The following KIF5C variants were observed in gnomAD, a reference collection of about 807,000 sequenced individuals.
KIF5C encodes the protein kinesin heavy chain isoform 5C.
Under a neutral mutation model 125.2 loss-of-function variants are expected in KIF5C, and 18 were observed. That is an observed-to-expected ratio of 0.14 (90% confidence interval 0.10 to 0.21). The LOEUF (loss-of-function observed/expected upper bound fraction) is 0.21, where lower values mean the gene tolerates loss of function less well. Among genes scored for constraint, KIF5C ranks in the 10% least tolerant of loss-of-function variants. The pLI, the probability that KIF5C is intolerant of heterozygous loss-of-function variation, is 1.00. For synonymous variants in KIF5C, 405 were observed against 434.0 expected, an observed-to-expected ratio of 0.93 and a Z score of 0.83; for missense variants, 780 against 1,183.8, an observed-to-expected ratio of 0.66 and a Z score of 5.01.
intron 8 of KIF5C, 25 bp from the exon 9 acceptor site, chr2:148,949,814 C>G: frequency 6.2e-7 from 1 of 1,611,886 alleles, no homozygotes; most frequent in Non-Finnish European, 8.5e-7. Flanking sequence ...CTGTGCTGCT[C>G]ACTGCTTTCT....
chr2:148,901,271 G>GTA (rs1384683645), intron 1 of KIF5C, among the ~76,000 whole-genome samples: 1 of 152,194 alleles, frequency 6.6e-6, no homozygotes, highest in Non-Finnish European at 1.5e-5. Context: ...GTGGAGGCAG[G>GTA]TATATATAAC....
intron 1 of KIF5C, among the ~76,000 whole-genome samples, chr2:148,918,185 T>G (rs1362132392): frequency 6.6e-6 from 1 of 152,204 alleles, no homozygotes. Flanking sequence ...CCTGGTAAAT[T>G]ATTAATTTTA....
chr2:148,875,413 GA>G lies in KIF5C; in HGVS notation c.-204del. ...GGCCGGTCTGCAGCCGGAGGGGCCG[GA>G]GCGGAGAAGCTGCCCACCTTCCCGG... is the stretch of plus-strand genomic sequence containing the variant. On this transcript the variant is annotated 5_prime_UTR_variant, in exon 1 of 26. Transcript: ENST00000435030. The G allele has an allele frequency of 1.9e-6, 1 of 538,884 alleles. No individual in the cohort carries two copies. Among genetic ancestry groups the G allele is most frequent in the Non-Finnish European group, 3.3e-6 (1 of 307,164 alleles). 33.4% of individuals were successfully genotyped at this position (538,884 alleles called of 1,614,324 possible). A position where few individuals can be genotyped will look rare whatever the true frequency, so the allele number is the denominator to read the frequency against.
chr2:148,940,841 A>G (rs1403875627), intron 4 of KIF5C, among the ~76,000 whole-genome samples: 1 of 152,130 alleles, frequency 6.6e-6, no homozygotes. Flanking sequence ...AGTCCCTAAG[A>G]CCACATATTT....
chr2:148,983,464 A>C (rs1681289927), intron 14 of KIF5C, among the ~76,000 whole-genome samples, 156 bp from the exon 15 acceptor site: 1 of 152,234 alleles, frequency 6.6e-6, no homozygotes, highest in African/African-American at 2.4e-5. Context: ...CTTATCCAAG[A>C]ATGCAGTGCT....
At chr2:149,019,095 T>G (rs1682454861) in intron 25 of KIF5C, among the ~76,000 whole-genome samples, 1 of 152,216 alleles carries the variant, frequency 6.6e-6, no homozygotes, top group African/African-American at 2.4e-5. Context: ...AGATGGCAGC[T>G]GGATTCCCCC....
intron 15 of KIF5C, among the ~76,000 whole-genome samples, chr2:148,987,588 G>A (rs1391798590): frequency 2.0e-5 from 3 of 152,130 alleles, no homozygotes; most frequent in African/African-American, 4.8e-5. Context: ...ATGACCAGGC[G>A]TTTCCAACTT....
rs190664008 is a variant in KIF5C, at chr2:148,889,088, C to G, written c.126+13345C>G. On this transcript the variant is annotated intron_variant, in intron 1 of 25. Transcript: ENST00000435030. The stretch of plus-strand genomic sequence containing the variant: ...GTATAAATTCTCCAGAAGCCAATTT[C>G]CTGGAACCAATGCTGTGAACATTTT... Among the ~76,000 whole-genome samples, 7 of 152,266 alleles carry G rather than the reference C, an allele frequency of 4.6e-5. 1 individual carries two copies. The East Asian group carries it at 1.4e-3, about 29-fold the overall frequency.
At chr2:149,015,316 A>G (rs1312002349) in intron 25 of KIF5C, among the ~76,000 whole-genome samples, 3 of 151,952 alleles carry the variant, frequency 2.0e-5, no homozygotes, top group Non-Finnish European at 4.4e-5. Context: ...TGAAAAGTAA[A>G]GAAATGCTAA....
At chr2:148,919,136 A>G (rs368230575) in intron 1 of KIF5C, among the ~76,000 whole-genome samples, 10 of 152,336 alleles carry the variant, frequency 6.6e-5, no homozygotes, top group African/African-American at 2.4e-4. Flanking sequence ...TGTCTAGAGG[A>G]CATGTGAATC....
chr2:149,007,936 C>T (rs1682060834), intron 22 of KIF5C, 27 bp from the exon 23 acceptor site: 2 of 1,550,920 alleles, frequency 1.3e-6, no homozygotes, highest in African/African-American at 1.3e-5. Flanking sequence ...GACAGCCTGT[C>T]CTGCTGACCC....
intron 25 of KIF5C, among the ~76,000 whole-genome samples, 173 bp downstream of exon 25, chr2:149,011,856 G>T (rs1433175324): frequency 6.6e-6 from 1 of 152,236 alleles, no homozygotes; most frequent in East Asian, 1.9e-4. Context: ...TTAGTCCAGA[G>T]CCCTGGGGTC....
At chr2:148,912,828 T>G (rs1681394367) in intron 1 of KIF5C, among the ~76,000 whole-genome samples, 1 of 152,352 alleles carries the variant, frequency 6.6e-6, no homozygotes, top group South Asian at 2.1e-4. Context: ...CAAATGTCCC[T>G]TCTCCTGCAT....
At chr2:148,926,471 G>A (rs574815469) in intron 2 of KIF5C, among the ~76,000 whole-genome samples, 17 of 152,332 alleles carry the variant, frequency 1.1e-4, no homozygotes, top group African/African-American at 4.1e-4. Flanking sequence ...CATTCCGTGG[G>A]CCCAGGAGCG....
At chr2:148,953,261 A>G (rs992987631) in intron 10 of KIF5C, among the ~76,000 whole-genome samples, 6 of 152,240 alleles carry the variant, frequency 3.9e-5, no homozygotes, top group African/African-American at 1.4e-4. Flanking sequence ...CTTATTGTGT[A>G]AGGTTACTTG....
chr2:148,941,169 G>A (rs1182306398), intron 4 of KIF5C, among the ~76,000 whole-genome samples: 1 of 152,140 alleles, frequency 6.6e-6, no homozygotes, highest in East Asian at 1.9e-4. Context: ...CTGAGCTCTT[G>A]TAGTTCTAAA....
intron 11 of KIF5C, among the ~76,000 whole-genome samples, chr2:148,966,930 C>G (rs1184754206): frequency 1.3e-5 from 2 of 152,152 alleles, no homozygotes; most frequent in Admixed American, 1.3e-4. Flanking sequence ...GGACTTCTAG[C>G]CTCCAGAACT....
intron 4 of KIF5C, 139 bp downstream of exon 4, chr2:148,937,527 T>C: frequency 8.1e-7 from 1 of 1,234,702 alleles, no homozygotes; most frequent in Non-Finnish European, 1.1e-6. Context: ...CCCTCTTTAT[T>C]AGTGACCTAG....
chr2:148,912,740 C>T (rs942472107), intron 1 of KIF5C, among the ~76,000 whole-genome samples: 1 of 152,222 alleles, frequency 6.6e-6, no homozygotes, highest in Non-Finnish European at 1.5e-5. Flanking sequence ...TGAGCTGTTG[C>T]ACCTGGCCTG....
Sources: allele counts gnomAD v4.1 joint callset (sites outside exome capture counted in the v4.1 genomes callset), GRCh38; gene constraint gnomAD v4.1.1; transcripts MANE v1.5; gene names NCBI Gene and HGNC (gene_info 2026-07-23, HGNC 2026-07-21).